The following CADM1 variants were observed in gnomAD, a reference collection of about 807,000 sequenced individuals.
The protein encoded by CADM1 is TSLC-1.
CADM1 carries 15 observed loss-of-function variants against 53.1 expected under a neutral mutation model. The ratio of observed to expected loss-of-function variants is 0.28; its 90% CI spans 0.19 to 0.44. The LOEUF (loss-of-function observed/expected upper bound fraction) is 0.44. Among genes scored for constraint, CADM1 ranks in the 20% least tolerant of loss-of-function variants. The probability of loss-of-function intolerance (pLI) is 1.00; values close to 1 mark genes in which losing one functional copy is unlikely to be tolerated. For synonymous variants in CADM1, 281 were observed against 243.0 expected (o/e 1.16, Z -1.45); for missense variants, 434 against 611.3 (o/e 0.71, Z 3.06).
chr11:115,331,619 T>A (rs1945129897), intron 1 of CADM1, among the ~76,000 whole-genome samples: 1 of 152,032 alleles, frequency 6.6e-6, no homozygotes, highest in Non-Finnish European at 1.5e-5. Context: ...TAAATAAATA[T>A]CACTCATGGC....
intron 1 of CADM1, among the ~76,000 whole-genome samples, chr11:115,310,702 A>G (rs887561068): frequency 6.6e-6 from 1 of 152,160 alleles, no homozygotes; most frequent in East Asian, 1.9e-4. Flanking sequence ...TGTTCCAGGT[A>G]GCTGAGGTTA....
rs192726231 is a variant in CADM1 at position 115,483,317 on chromosome 11, T to C, written c.124+20954A>G. On this transcript the variant is annotated intron_variant, in intron 1 of 11. Coordinates refer to ENST00000331581, the MANE Select transcript of CADM1 (RefSeq NM_001301043.2). ...TCAAAACTATTTAAAATGAATAATGTTTTTTTCACATTTCACTCACTTTCA... is the reference window on the plus strand; with the variant it reads ...TCAAAACTATTTAAAATGAATAATGCTTTTTTCACATTTCACTCACTTTCA... Among the ~76,000 whole-genome samples the C allele has an allele frequency of 1.7e-3, 264 of 152,262 alleles. 2 individuals carry two copies. Among genetic ancestry groups the C allele is most frequent in the African/African-American group, 6.2e-3 (257 of 41,548 alleles).
intron 1 of CADM1, among the ~76,000 whole-genome samples, chr11:115,416,447 C>T (rs923177659): frequency 6.6e-6 from 1 of 152,098 alleles, no homozygotes; most frequent in Admixed American, 6.6e-5. Context: ...TCAAGTAGCA[C>T]AAATCACATC....
chr11:115,310,498 G>A (rs1336981217), intron 1 of CADM1, among the ~76,000 whole-genome samples: 1 of 152,018 alleles, frequency 6.6e-6, no homozygotes, highest in African/African-American at 2.4e-5. Flanking sequence ...TGTATGTATG[G>A]GGGGGTGGAG....
In CADM1 at chr11:115,233,693, T is replaced by A. The variant is rs534623077; in HGVS notation, c.425-2203A>T. On this transcript the variant is annotated intron_variant, in intron 3 of 11. Coordinates refer to ENST00000331581, the MANE Select transcript of CADM1 (RefSeq NM_001301043.2). Reference sequence around the variant, plus strand: ...GTGTAACAAATATAGGAGTGTCTTCTCAACTAAGGAAGGAATGAAAGTAAA... The same window carrying A: ...GTGTAACAAATATAGGAGTGTCTTCACAACTAAGGAAGGAATGAAAGTAAA... Among the ~76,000 whole-genome samples the A allele has an allele frequency of 1.7e-3, 255 of 151,894 alleles. 1 individual carries two copies. The highest frequency in any genetic ancestry group is 5.1e-3 in the African/African-American group (213 of 41,374).
rs1029874433 is a variant in CADM1, at chr11:115,245,300, T to TA, written c.125-4881dup. ...GAGTCAAACCAAAACTATTGATTGTTAAAAAAAAAACATTCTGCTAATCAA... is the reference window on the plus strand; with the variant it reads ...GAGTCAAACCAAAACTATTGATTGTTAAAAAAAAAAACATTCTGCTAATCAA... On this transcript the variant is annotated intron_variant, in intron 1 of 11. Transcript: ENST00000331581. 3.5e-3 allele frequency among the ~76,000 whole-genome samples: 517 copies of TA among 148,440 alleles called. 2 individuals are homozygous for TA. The highest frequency in any genetic ancestry group is 0.01 in the African/African-American group (410 of 40,554).
At position 115,169,646 on chromosome 11, in the gene CADM1, GA is replaced by G. The variant is rs948850990; in HGVS notation, c.*6827del. ...ACAGGCCTAGAGAGAGGGAGAGAAA[GA>G]GAAAGAGAGAGAGATGGATAGTAAT... On this transcript the variant is annotated 3_prime_UTR_variant, in exon 12 of 12. Transcript: ENST00000331581. 1 of 456,386 alleles carries G rather than the reference GA, an allele frequency of 2.2e-6. No individual in the cohort carries two copies. The highest frequency in any genetic ancestry group is 4.4e-6 in the Non-Finnish European group (1 of 226,892). The allele number at this position is 456,386 out of a possible 1,614,324, so 28.3% of individuals were successfully genotyped here. A position where few individuals can be genotyped will look rare whatever the true frequency, so the allele number is the denominator to read the frequency against.
chr11:115,404,673 G>A (rs1176673157), intron 1 of CADM1, among the ~76,000 whole-genome samples: 1 of 150,716 alleles, frequency 6.6e-6, no homozygotes, highest in Non-Finnish European at 1.5e-5. Context: ...TTAGTATTCA[G>A]AACATAAAGA....
chr11:115,330,525 A>C (rs1945103077), intron 1 of CADM1, among the ~76,000 whole-genome samples: 1 of 152,092 alleles, frequency 6.6e-6, no homozygotes, highest in African/African-American at 2.4e-5. Context: ...GACTGCTTTT[A>C]AGTCCTTCCC....
At chr11:115,482,387 T>C (rs1949276757) in intron 1 of CADM1, among the ~76,000 whole-genome samples, 1 of 152,202 alleles carries the variant, frequency 6.6e-6, no homozygotes, top group Non-Finnish European at 1.5e-5. Flanking sequence ...TAATTCATCT[T>C]TGTAAACCTA....
At chr11:115,376,223 C>T (rs565663129) in intron 1 of CADM1, among the ~76,000 whole-genome samples, 3 of 152,228 alleles carry the variant, frequency 2.0e-5, no homozygotes, top group Admixed American at 2.0e-4. Flanking sequence ...GTGCTATAAG[C>T]TCTGGCTACC....
intron 8 of CADM1, among the ~76,000 whole-genome samples, chr11:115,206,603 T>C (rs1940691521): frequency 6.6e-6 from 1 of 152,138 alleles, no homozygotes; most frequent in Admixed American, 6.5e-5. Flanking sequence ...GAACACTTCC[T>C]TTCAGAGAAA....
chr11:115,432,860 A>C (rs1286039283), intron 1 of CADM1, among the ~76,000 whole-genome samples: 1 of 152,222 alleles, frequency 6.6e-6, no homozygotes, highest in Non-Finnish European at 1.5e-5. Context: ...AGAAAAAGAA[A>C]TTAACTTAAC....
chr11:115,400,838 A>G (rs1161587080), intron 1 of CADM1, among the ~76,000 whole-genome samples: 2 of 151,474 alleles, frequency 1.3e-5, no homozygotes, highest in African/African-American at 4.9e-5. Context: ...CAGAACACCA[A>G]TAACACCAAA....
chr11:115,206,758 C>CTTCTTTTTTTTTTTTTTTTTT (rs1940706440), intron 8 of CADM1, among the ~76,000 whole-genome samples: 1 of 38,206 alleles, frequency 2.6e-5, no homozygotes, highest in African/African-American at 9.7e-5. Context: ...CTGTGGACTT[C>CTTCTTTTTTTTTTTTTTTTTT]TTTTTTTTTT....
chr11:115,486,036 A>C (rs1305184727), intron 1 of CADM1, among the ~76,000 whole-genome samples: 1 of 152,184 alleles, frequency 6.6e-6, no homozygotes, highest in Non-Finnish European at 1.5e-5. Flanking sequence ...AAATCAAAGC[A>C]CACCTTCATT....
chr11:115,455,136 ATTC>A (rs1948655023), intron 1 of CADM1, among the ~76,000 whole-genome samples: 1 of 152,092 alleles, frequency 6.6e-6, no homozygotes, highest in African/African-American at 2.4e-5. Flanking sequence ...CTTTTTTCAG[ATTC>A]TTGTTATTAA....
intron 9 of CADM1, among the ~76,000 whole-genome samples, chr11:115,198,186 G>A (rs1940252644): frequency 6.6e-6 from 1 of 152,164 alleles, no homozygotes; most frequent in African/African-American, 2.4e-5. Context: ...CACCCAGTGG[G>A]GAGAAGGTCT....
intron 1 of CADM1, among the ~76,000 whole-genome samples, chr11:115,485,456 C>T (rs1047230959): frequency 6.6e-6 from 1 of 152,188 alleles, no homozygotes; most frequent in Non-Finnish European, 1.5e-5. Context: ...GGCTGTGTCC[C>T]CACCCAAATC....
Sources: allele counts gnomAD v4.1 joint callset (sites outside exome capture counted in the v4.1 genomes callset), GRCh38; gene constraint gnomAD v4.1.1; transcripts MANE v1.5; gene names NCBI Gene and HGNC (gene_info 2026-07-23, HGNC 2026-07-21).